ARID4A: variants seen among roughly 807,000 people sequenced by gnomAD.
ARID4A encodes the protein AT-rich interactive domain-containing protein 4A.
In ARID4A, 39 loss-of-function variants were observed where a neutral mutation model predicts 148.6. The ratio of observed to expected loss-of-function variants is 0.26; its 90% CI spans 0.20 to 0.34. ARID4A has a LOEUF of 0.34. Among genes scored for constraint, ARID4A ranks in the 10% least tolerant of loss-of-function variants. ARID4A has a pLI of 1.00. For synonymous variants in ARID4A, 475 were observed against 481.2 expected (o/e 0.99, Z 0.17); for missense variants, 1,265 against 1,449.1 (o/e 0.87, Z 2.06).
At chr14:58,313,600 G>A (rs2032201991) in intron 5 of ARID4A, among the ~76,000 whole-genome samples, 1 of 152,264 alleles carries the variant, frequency 6.6e-6, no homozygotes, top group East Asian at 1.9e-4. Flanking sequence ...CATACTATGA[G>A]GACTGAGAAT....
At chr14:58,336,335 T>G (rs193118708) in intron 11 of ARID4A, among the ~76,000 whole-genome samples, 32 of 152,344 alleles carry the variant, frequency 2.1e-4, no homozygotes, top group Non-Finnish European at 1.5e-4. Flanking sequence ...CAATTGTCAG[T>G]TTTTACATAT....
At chr14:58,353,964 C>A in intron 17 of ARID4A, 109 bp downstream of exon 17, 1 of 996,474 alleles carries the variant, frequency 1.0e-6, no homozygotes, top group Non-Finnish European at 1.5e-6. Context: ...ATTTACAAAG[C>A]ACACCTTGGT....
At position 58,299,804 on chromosome 14, in the gene ARID4A, C is replaced by G. The variant is rs759024383; in HGVS notation, c.-51C>G. On this transcript the variant is annotated 5_prime_UTR_variant, in exon 2 of 24. Coordinates refer to ENST00000355431, the MANE Select transcript of ARID4A (RefSeq NM_002892.4). ...TCTTTCCCCCTCCCCATAGTTCTAG[C>G]GACTGCGAAGATAGCTCGCTGAGCT... 1 of 1,613,914 alleles carries G rather than the reference C, an allele frequency of 6.2e-7. No homozygotes were observed. The highest frequency in any genetic ancestry group is 8.5e-7 in the Non-Finnish European group (1 of 1,179,788).
chr14:58,302,966 A>C (rs938368520), intron 3 of ARID4A, among the ~76,000 whole-genome samples: 4 of 152,186 alleles, frequency 2.6e-5, no homozygotes, highest in African/African-American at 9.7e-5. Flanking sequence ...TCTCAAAAAA[A>C]AAATTTTTTT....
intron 11 of ARID4A, among the ~76,000 whole-genome samples, chr14:58,335,745 G>T (rs1240633744): frequency 6.6e-6 from 1 of 152,130 alleles, no homozygotes; most frequent in East Asian, 1.9e-4. Context: ...CCACCCAGCT[G>T]TCCAAGCCAG....
intron 11 of ARID4A, among the ~76,000 whole-genome samples, chr14:58,340,548 C>G (rs186805193): frequency 1.3e-5 from 2 of 152,296 alleles, no homozygotes; most frequent in Non-Finnish European, 2.9e-5. Context: ...TGGGGTTTTA[C>G]CGTGTTGCCC....
chr14:58,303,202 A>AC (rs1566663318), intron 3 of ARID4A, among the ~76,000 whole-genome samples: 1 of 152,198 alleles, frequency 6.6e-6, no homozygotes, highest in African/African-American at 2.4e-5. Context: ...TTCATGGGCT[A>AC]CATAGTCATG....
chr14:58,336,465 TTTTC>T (rs1205711780), intron 11 of ARID4A, among the ~76,000 whole-genome samples: 20 of 152,240 alleles, frequency 1.3e-4, no homozygotes, highest in Non-Finnish European at 2.4e-4. Flanking sequence ...TTTTGTTTGC[TTTTC>T]ACTTTAAGTT....
chr14:58,372,090 T>C lies in ARID4A; in HGVS notation c.*101T>C, dbSNP rs2035639775. The C allele has an allele frequency of 1.2e-6, 1 of 807,138 alleles. No individual in the cohort carries two copies. Among genetic ancestry groups the C allele is most frequent in the Admixed American group, 2.1e-5 (1 of 48,776 alleles). 50.0% of individuals were successfully genotyped at this position (807,138 alleles called of 1,614,324 possible). On this transcript the variant is annotated 3_prime_UTR_variant, in exon 24 of 24. Coordinates refer to ENST00000355431, the MANE Select transcript of ARID4A (RefSeq NM_002892.4). Reference sequence around the variant, plus strand: ...AAGCACTCAACTGGTTTGACATTGCTAAGTATATCCTGTATACTTTTCCAG... The same window carrying C: ...AAGCACTCAACTGGTTTGACATTGCCAAGTATATCCTGTATACTTTTCCAG...
At chr14:58,317,612 CT>C (rs1307431265) in intron 5 of ARID4A, among the ~76,000 whole-genome samples, 24 of 132,278 alleles carry the variant, frequency 1.8e-4, no homozygotes, top group Admixed American at 7.9e-5. Context: ...TTAAAAAAAC[CT>C]TTATATTTGT....
At chr14:58,367,979 T>C (rs2035429532) in intron 23 of ARID4A, among the ~76,000 whole-genome samples, 1 of 152,096 alleles carries the variant, frequency 6.6e-6, no homozygotes, top group Admixed American at 6.6e-5. Flanking sequence ...AGAAGGGATA[T>C]GGGACGATGC....
At chr14:58,300,239 G>A (rs1182114386) in intron 2 of ARID4A, among the ~76,000 whole-genome samples, 1 of 152,182 alleles carries the variant, frequency 6.6e-6, no homozygotes, top group Admixed American at 6.5e-5. Context: ...CTAAAAGAAA[G>A]AATACGTGGA....
rs924974666 is a variant in ARID4A at position 58,353,660 on chromosome 14, A to C, written c.1658A>C (p.Glu553Ala). The change falls in exon 17 of 24, where the codon GAA (glutamate) becomes GCA (alanine). Residue 553 changes from glutamate (E) to alanine (A), a missense_variant and splice_region_variant. By Grantham distance (107) the Glu-to-Ala change is moderately radical (BLOSUM62 -1). Around this residue, in one of 9 missense-constraint regions of ARID4A, gnomAD observed 205 missense variants for 196.9 expected, o/e 1.04. Coordinates refer to ENST00000355431, the MANE Select transcript of ARID4A (RefSeq NM_002892.4). Reference sequence around the variant, plus strand: ...ATCAGTATTATAACTTACTGCAGGGAAGAAACTGAAAGCAAATGTGACTCT... The same window carrying C: ...ATCAGTATTATAACTTACTGCAGGGCAGAAACTGAAAGCAAATGTGACTCT... ...DEEEEKSQER[E>A]ETESKCDSEG... 8 of 1,613,678 alleles carry C rather than the reference A, an allele frequency of 5.0e-6. No homozygotes were observed. The highest frequency in any genetic ancestry group is 6.8e-6 in the Non-Finnish European group (8 of 1,179,752).
At chr14:58,359,247 A>G (rs776368681) in intron 18 of ARID4A, 31 bp downstream of exon 18, 108 of 1,525,558 alleles carry the variant, frequency 7.1e-5, no homozygotes, top group Non-Finnish European at 8.8e-5. Flanking sequence ...CCTTTATAAT[A>G]TGTATAGGAA....
chr14:58,308,730 A>T (rs972239092), intron 5 of ARID4A, among the ~76,000 whole-genome samples: 16 of 152,174 alleles, frequency 1.1e-4, no homozygotes, highest in African/African-American at 3.6e-4. Context: ...CTACCTACCT[A>T]TTAGGTGTAA....
intron 7 of ARID4A, among the ~76,000 whole-genome samples, 186 bp from the exon 8 acceptor site, chr14:58,323,299 A>G (rs1242053750): frequency 6.6e-6 from 1 of 152,124 alleles, no homozygotes; most frequent in Non-Finnish European, 1.5e-5. Flanking sequence ...TACCATAGAC[A>G]ACTCAGGACT....
At chr14:58,365,487 T>TTTTTAAAAA in intron 20 of ARID4A, 31 bp from the exon 21 acceptor site, 3 of 1,266,250 alleles carry the variant, frequency 2.4e-6, no homozygotes, top group Non-Finnish European at 3.3e-6. Context: ...TTTTTTTTTT[T>TTTTTAAAAA]TTCAACATTC....
chr14:58,365,367 G>T, intron 20 of ARID4A, 67 bp downstream of exon 20: 3 of 1,505,624 alleles, frequency 2.0e-6, no homozygotes, highest in South Asian at 1.3e-5. Context: ...TGAGTTTCAG[G>T]TACTGTTGAT....
At position 58,350,100 on chromosome 14, in the gene ARID4A, TAAAAAAAAAAAA is replaced by T. The variant is rs758927898; in HGVS notation, c.1405-959_1405-948del. On this transcript the variant is annotated intron_variant, in intron 15 of 23. Coordinates refer to ENST00000355431, the MANE Select transcript of ARID4A (RefSeq NM_002892.4). ...CTGGCAACAGAGCGAGACTCTGTCT[TAAAAAAAAAAAA>T]AAAAAAAAAAAAAGCACCTGCCACC... Among the ~76,000 whole-genome samples, 4 of 83,802 alleles carry T rather than the reference TAAAAAAAAAAAA, an allele frequency of 4.8e-5. 1 individual carries two copies. The allele number at this position is 83,802 out of a possible 152,430, so 55.0% of individuals were successfully genotyped here.
Sources: allele counts gnomAD v4.1 joint callset (sites outside exome capture counted in the v4.1 genomes callset), GRCh38; gene constraint gnomAD v4.1.1; regional missense constraint gnomAD v4.1.1; transcripts MANE v1.5; gene names NCBI Gene and HGNC (gene_info 2026-07-23, HGNC 2026-07-21).